Variants in BBS9 observed in about 807,000 individuals in gnomAD.
BBS9 encodes Bardet-Biedl syndrome 9, also known as protein PTHB1.
A neutral mutation model predicts 117.7 loss-of-function variants in BBS9; 89 were observed. The observed-to-expected ratio is 0.76, with a 90% CI of 0.64 to 0.90. The LOEUF (loss-of-function observed/expected upper bound fraction) is 0.90. BBS9 is among the 40% of genes least tolerant of loss of function. The pLI, the probability that BBS9 is intolerant of heterozygous loss-of-function variation, is 0.00. For synonymous variants in BBS9, 379 were observed against 370.9 expected, an observed-to-expected ratio of 1.02 and a Z score of -0.25; for missense variants, 982 against 1,042.2, an observed-to-expected ratio of 0.94 and a Z score of 0.80.
At chr7:33,570,716 T>C (rs1857637499) in intron 21 of BBS9, among the ~76,000 whole-genome samples, 1 of 152,224 alleles carries the variant, frequency 6.6e-6, no homozygotes, top group Non-Finnish European at 1.5e-5. Flanking sequence ...TAATGAGACA[T>C]ATCAACATCA....
intron 9 of BBS9, among the ~76,000 whole-genome samples, chr7:33,283,883 C>T (rs1271000219): frequency 2.0e-5 from 3 of 152,100 alleles, no homozygotes; most frequent in Non-Finnish European, 4.4e-5. Context: ...TTCTCTTTTG[C>T]CCTGGGGGTC....
At chr7:33,239,582 A>T (rs1161465122) in intron 5 of BBS9, among the ~76,000 whole-genome samples, 1 of 152,066 alleles carries the variant, frequency 6.6e-6, no homozygotes, top group Non-Finnish European at 1.5e-5. Context: ...AACTTTGCCT[A>T]ATCATACAGA....
At chr7:33,408,248 G>T (rs199867596) in intron 19 of BBS9, among the ~76,000 whole-genome samples, 1 of 152,164 alleles carries the variant, frequency 6.6e-6, no homozygotes, top group African/African-American at 2.4e-5. Flanking sequence ...AGCCAGGTGC[G>T]GGATATAATC....
intron 11 of BBS9, among the ~76,000 whole-genome samples, chr7:33,341,648 C>A (rs915939915): frequency 3.3e-5 from 5 of 152,044 alleles, no homozygotes; most frequent in Non-Finnish European, 7.4e-5. Flanking sequence ...TAATCAACAT[C>A]ATCATAATCA....
At chr7:33,437,126 T>A (rs183344611) in intron 19 of BBS9, among the ~76,000 whole-genome samples, 26 of 152,362 alleles carry the variant, frequency 1.7e-4, no homozygotes, top group Admixed American at 1.6e-3. Flanking sequence ...AGCTTGTCTC[T>A]GCTTTAGCCC....
intron 21 of BBS9, among the ~76,000 whole-genome samples, chr7:33,625,969 A>G (rs1459074820): frequency 2.0e-5 from 3 of 152,346 alleles, no homozygotes; most frequent in South Asian, 4.1e-4. Context: ...TAGACTAGCT[A>G]TGAATATGTA....
At chr7:33,554,263 A>C (rs1370377131) in intron 21 of BBS9, among the ~76,000 whole-genome samples, 1 of 152,172 alleles carries the variant, frequency 6.6e-6, no homozygotes, top group African/African-American at 2.4e-5. Flanking sequence ...CAGACATTAC[A>C]TAATTTGATT....
At chr7:33,467,827 A>T (rs547454459) in intron 19 of BBS9, among the ~76,000 whole-genome samples, 1 of 145,596 alleles carries the variant, frequency 6.9e-6, no homozygotes, top group Non-Finnish European at 1.5e-5. Flanking sequence ...AACACTGGTG[A>T]GGAGAAAATG....
chr7:33,473,286 G>A (rs940585063), intron 19 of BBS9, among the ~76,000 whole-genome samples: 1 of 152,124 alleles, frequency 6.6e-6, no homozygotes, highest in African/African-American at 2.4e-5. Context: ...GGCTGTACAA[G>A]TATCTGCATG....
intron 16 of BBS9, among the ~76,000 whole-genome samples, chr7:33,359,303 T>G (rs771964452): frequency 6.6e-6 from 1 of 152,034 alleles, no homozygotes; most frequent in Non-Finnish European, 1.5e-5. Flanking sequence ...GGGTTGATCT[T>G]TACTGTAGAT....
At chr7:33,497,769 G>A (rs1378971578) in intron 19 of BBS9, among the ~76,000 whole-genome samples, 1 of 152,174 alleles carries the variant, frequency 6.6e-6, no homozygotes, top group African/African-American at 2.4e-5. Context: ...AAACTTAGCT[G>A]CAAAATGAAC....
intron 20 of BBS9, among the ~76,000 whole-genome samples, chr7:33,507,230 G>T (rs547068798): frequency 9.2e-5 from 14 of 152,022 alleles, no homozygotes; most frequent in African/African-American, 2.7e-4. Context: ...CAGTTTTTTT[G>T]TTTGTTTGTT....
At chr7:33,598,265 C>A (rs538127289) in intron 21 of BBS9, among the ~76,000 whole-genome samples, 2 of 152,028 alleles carry the variant, frequency 1.3e-5, no homozygotes, top group Non-Finnish European at 2.9e-5. Context: ...AAAAATTTCC[C>A]CAGTGTAATC....
intron 3 of BBS9, among the ~76,000 whole-genome samples, chr7:33,154,971 C>T (rs375597463): frequency 2.0e-5 from 3 of 152,228 alleles, no homozygotes; most frequent in Non-Finnish European, 4.4e-5. Flanking sequence ...TACTCATTAA[C>T]AACCCCTGGC....
At chr7:33,510,774 G>A (rs1846834763) in intron 20 of BBS9, among the ~76,000 whole-genome samples, 2 of 152,162 alleles carry the variant, frequency 1.3e-5, no homozygotes, top group African/African-American at 4.8e-5. Flanking sequence ...CCCAGATATA[G>A]GACATTTCCG....
At chr7:33,326,241 C>T (rs1337439829) in intron 9 of BBS9, among the ~76,000 whole-genome samples, 1 of 151,776 alleles carries the variant, frequency 6.6e-6, no homozygotes, top group Non-Finnish European at 1.5e-5. Flanking sequence ...CCTCCCCTCC[C>T]CCTCCCCTCT....
chr7:33,293,666 C>G (rs546047594), intron 9 of BBS9, among the ~76,000 whole-genome samples: 27 of 152,172 alleles, frequency 1.8e-4, no homozygotes, highest in Admixed American at 1.7e-3. Context: ...TTCTGTATGT[C>G]TAAATAGGAT....
chr7:33,604,031 C>T (rs1258080627), intron 21 of BBS9, among the ~76,000 whole-genome samples: 1 of 152,134 alleles, frequency 6.6e-6, no homozygotes, highest in Non-Finnish European at 1.5e-5. Context: ...AGGCTTTGGA[C>T]TCTGTGTGTG....
chr7:33,213,596 CAT>C (rs1001011103), intron 5 of BBS9, among the ~76,000 whole-genome samples: 24 of 152,254 alleles, frequency 1.6e-4, no homozygotes, highest in African/African-American at 5.8e-4. Context: ...TGCTGGGTCA[CAT>C]GTGTCATTAG....
Sources: gnomAD v4.1 joint callset for allele counts (sites outside exome capture counted in the v4.1 genomes callset) on GRCh38, gnomAD v4.1.1 for gene constraint, MANE v1.5 for transcripts, NCBI Gene and HGNC (gene_info 2026-07-23, HGNC 2026-07-21) for gene names.